ARID2: variants seen among roughly 807,000 people sequenced by gnomAD.
The protein encoded by ARID2 is AT-rich interaction domain 2, also known as AT-rich interactive domain-containing protein 2.
ARID2 carries 32 observed loss-of-function variants against 184.6 expected under a neutral mutation model. That is an observed-to-expected ratio of 0.17 (90% CI 0.13 to 0.23). ARID2 has a LOEUF of 0.23. Ranked by LOEUF, ARID2 falls within the 10% of genes least tolerant of loss-of-function variation. The probability of loss-of-function intolerance (pLI) is 1.00; values close to 1 mark genes in which losing one functional copy is unlikely to be tolerated. For missense variants in ARID2, 1,696 were observed against 2,197.6 expected, an observed-to-expected ratio of 0.77 and a Z score of 4.56; for synonymous variants, 836 against 772.6, an observed-to-expected ratio of 1.08 and a Z score of -1.36.
rs556088114 is a variant in ARID2, at chr12:45,795,282, G to C, written c.285-16136G>C. Among the ~76,000 whole-genome samples, 60 of 152,026 alleles carry C rather than the reference G, an allele frequency of 3.9e-4. 2 individuals carry two copies. The South Asian group carries it at 1.0e-2, about 25-fold the overall frequency. On this transcript the variant is annotated intron_variant, in intron 3 of 20. Transcript: ENST00000334344. ...TCTACCCATTGTACAATCACCTCAA[G>C]TCTACTCCTGTTCTCATGAGGTTGC...
chr12:45,808,700 C>T (rs1462932829), intron 3 of ARID2, among the ~76,000 whole-genome samples: 5 of 151,702 alleles, frequency 3.3e-5, no homozygotes, highest in Non-Finnish European at 4.4e-5. Flanking sequence ...ATGTTGCTTT[C>T]TCTCCCGGCC....
intron 20 of ARID2, among the ~76,000 whole-genome samples, chr12:45,897,171 A>C (rs1013304913): frequency 1.3e-5 from 2 of 152,240 alleles, no homozygotes; most frequent in Non-Finnish European, 2.9e-5. Flanking sequence ...ACAATTCTTC[A>C]TTCAATGAGG....
At chr12:45,893,232 C>G (rs1944325511) in intron 18 of ARID2, among the ~76,000 whole-genome samples, 188 bp from the exon 19 acceptor site, 2 of 152,230 alleles carry the variant, frequency 1.3e-5, no homozygotes, top group South Asian at 2.1e-4. Flanking sequence ...TACCTTGATA[C>G]TAAGCGCCCC....
intron 3 of ARID2, among the ~76,000 whole-genome samples, chr12:45,752,232 C>A (rs989867948): frequency 8.5e-5 from 13 of 152,206 alleles, no homozygotes; most frequent in Middle Eastern, 6.8e-3. Context: ...AACATCTTGG[C>A]GTATTTTTTT....
rs2138171095 is a variant in ARID2, at chr12:45,851,447, T to A, written c.3324T>A (p.Gly1108=). The change falls in exon 15 of 21, where the codon GGT becomes GGA. Residue 1108 remains glycine, a synonymous_variant. Transcript: ENST00000334344. ...AGGTGGCCAGTAACCAAGCCGCAGG[T>A]TTTGGAGTGCAGGGGCAAACTCCAG... ...VYQVASNQAA[G]FGVQGQTPAQ... 11 of 1,614,068 alleles carry A rather than the reference T, an allele frequency of 6.8e-6. No homozygotes were observed. Among genetic ancestry groups the A allele is most frequent in the African/African-American group, 1.3e-5 (1 of 75,014 alleles).
intron 3 of ARID2, among the ~76,000 whole-genome samples, chr12:45,760,135 T>C (rs1171429861): frequency 6.6e-6 from 1 of 152,196 alleles, no homozygotes; most frequent in Non-Finnish European, 1.5e-5. Flanking sequence ...AATTAACAGC[T>C]TAATTTCCAG....
intron 3 of ARID2, among the ~76,000 whole-genome samples, chr12:45,742,293 G>T (rs1388530413): frequency 6.6e-6 from 1 of 152,140 alleles, no homozygotes; most frequent in Non-Finnish European, 1.5e-5. Flanking sequence ...GATATGTTTA[G>T]ATACACAAAT....
intron 3 of ARID2, among the ~76,000 whole-genome samples, chr12:45,773,940 A>C (rs1019440742): frequency 6.6e-5 from 10 of 152,166 alleles, no homozygotes; most frequent in African/African-American, 1.4e-4. Flanking sequence ...AAATAGCAGT[A>C]AGTTATTTAT....
intron 15 of ARID2, among the ~76,000 whole-genome samples, chr12:45,853,378 T>C (rs1943590943): frequency 6.6e-6 from 1 of 152,242 alleles, no homozygotes; most frequent in Admixed American, 6.5e-5. Context: ...ATTTATGTAT[T>C]GCATTAGTCT....
chr12:45,837,252 T>G, intron 8 of ARID2, 69 bp from the exon 9 acceptor site: 2 of 1,326,740 alleles, frequency 1.5e-6, no homozygotes, highest in Non-Finnish European at 2.1e-6. Flanking sequence ...ATTTTTTATT[T>G]TTATTAAATT....
At chr12:45,739,916 A>T (rs1941217591) in intron 3 of ARID2, among the ~76,000 whole-genome samples, 1 of 152,200 alleles carries the variant, frequency 6.6e-6, no homozygotes, top group Non-Finnish European at 1.5e-5. Flanking sequence ...TAACTTTTTC[A>T]GTAGTAAGGC....
rs762183531 is a variant in ARID2 at position 45,852,626 on chromosome 12, T to C, written c.4503T>C (p.Ser1501=). 6.2e-7 allele frequency: 1 copy of C among 1,614,158 alleles called. No individual in the cohort carries two copies. The highest frequency in any genetic ancestry group is 2.2e-5 in the East Asian group (1 of 44,894). The change falls in exon 15 of 21, where the codon TCT becomes TCC. Residue 1501 remains serine, a synonymous_variant. Coordinates refer to ENST00000334344, the MANE Select transcript of ARID2 (RefSeq NM_152641.4). ...TATCCCATTCTCCTGCCCTATCATC[T>C]GACGTTCGGTCTACAAATGGCACAG... is the stretch of plus-strand genomic sequence containing the variant. ...SKVSHSPALS[S]DVRSTNGTAE...
In ARID2 at chr12:45,870,071, C is replaced by T. The variant is rs539066081; in HGVS notation, c.4922+9122C>T. 2.4e-4 allele frequency among the ~76,000 whole-genome samples: 36 copies of T among 151,958 alleles called. No individual in the cohort carries two copies. In the East Asian group the frequency reaches 7.1e-3, roughly 30 times the overall value. ...CGCGATCTCGGCTCACTGCAAGCTCCGCCTCCTGGGTTCACGCCATTCTCC... is the reference window on the plus strand; with the variant it reads ...CGCGATCTCGGCTCACTGCAAGCTCTGCCTCCTGGGTTCACGCCATTCTCC... On this transcript the variant is annotated intron_variant, in intron 16 of 20. Coordinates refer to ENST00000334344, the MANE Select transcript of ARID2 (RefSeq NM_152641.4).
At chr12:45,802,272 G>T (rs1053333872) in intron 3 of ARID2, among the ~76,000 whole-genome samples, 5 of 151,950 alleles carry the variant, frequency 3.3e-5, no homozygotes, top group Non-Finnish European at 7.4e-5. Context: ...CACTATGGTT[G>T]CCCAGGCTGG....
intron 16 of ARID2, among the ~76,000 whole-genome samples, chr12:45,863,006 C>CA (rs1206212970): frequency 6.6e-6 from 1 of 151,912 alleles, no homozygotes; most frequent in Non-Finnish European, 1.5e-5. Flanking sequence ...GATAGAAATA[C>CA]AAAAATCACT....
intron 16 of ARID2, among the ~76,000 whole-genome samples, chr12:45,872,378 T>C (rs906997364): frequency 1.8e-4 from 27 of 152,218 alleles, no homozygotes; most frequent in African/African-American, 6.3e-4. Flanking sequence ...TCCAAATGTT[T>C]TTGGTATTTT....
chr12:45,813,798 T>C (rs1942756688), intron 4 of ARID2, among the ~76,000 whole-genome samples: 1 of 152,090 alleles, frequency 6.6e-6, no homozygotes, highest in African/African-American at 2.4e-5. Context: ...AAAAAAAATA[T>C]TGTGGGTTTT....
intron 16 of ARID2, among the ~76,000 whole-genome samples, chr12:45,884,029 C>G (rs1025196741): frequency 2.0e-5 from 3 of 152,012 alleles, no homozygotes; most frequent in African/African-American, 7.2e-5. Flanking sequence ...TTTTTTATTT[C>G]ATTAAAACCA....
chr12:45,749,085 A>G (rs898790140), intron 3 of ARID2, among the ~76,000 whole-genome samples: 2 of 152,204 alleles, frequency 1.3e-5, no homozygotes, highest in African/African-American at 4.8e-5. Flanking sequence ...AGGTTTTCAG[A>G]CTACTTTGCT....
Sources: gnomAD v4.1 joint callset for allele counts (sites outside exome capture counted in the v4.1 genomes callset) on GRCh38, gnomAD v4.1.1 for gene constraint, MANE v1.5 for transcripts, NCBI Gene and HGNC (gene_info 2026-07-23, HGNC 2026-07-21) for gene names.